The following RTL4 variants were observed in gnomAD, a reference collection of about 807,000 sequenced individuals.
The protein encoded by RTL4 is retrotransposon Gag-like protein 4.
In RTL4, 4 loss-of-function variants were observed where a neutral mutation model predicts 5.3. That is an observed-to-expected ratio of 0.75 (90% CI 0.37 to 1.72). RTL4 has a LOEUF of 1.72. RTL4 is among the 40% of genes most tolerant of loss of function. RTL4 has a pLI of 0.04. For missense variants in RTL4, 260 were observed against 227.1 expected, an observed-to-expected ratio of 1.14 and a Z score of -0.93; for synonymous variants, 98 against 87.3, an observed-to-expected ratio of 1.12 and a Z score of -0.68.
chrX:112,173,427 G>C, the RTL4 span, among the ~76,000 whole-genome samples: 19 of 111,311 alleles, frequency 1.7e-4, no homozygotes, highest in East Asian at 3.4e-3. Context: ...CTTACTGGCT[G>C]TGTGGCCTTG....
the RTL4 span, among the ~76,000 whole-genome samples, chrX:112,140,241 A>G: frequency 3.5e-4 from 39 of 111,388 alleles, no homozygotes; most frequent in Non-Finnish European, 5.8e-4. Context: ...AGGATCACCT[A>G]GTGATTTCCC....
chrX:112,249,049 G>C, the RTL4 span, among the ~76,000 whole-genome samples: 1 of 112,321 alleles, frequency 8.9e-6, no homozygotes, highest in East Asian at 2.8e-4. Flanking sequence ...GCTTCAACCA[G>C]AGCCCAACAT....
the RTL4 span, among the ~76,000 whole-genome samples, chrX:112,187,921 T>C: frequency 2.7e-5 from 3 of 111,603 alleles, no homozygotes; most frequent in Non-Finnish European, 3.8e-5. Flanking sequence ...TGATAAGTCA[T>C]TTGTTATCTT....
At chrX:112,354,964 T>C in the RTL4 span, among the ~76,000 whole-genome samples, 1 of 111,400 alleles carries the variant, frequency 9.0e-6, no homozygotes, top group Admixed American at 9.6e-5. Flanking sequence ...ATCAACACTT[T>C]CTATGTTCTT....
At chrX:112,280,865 T>C in the RTL4 span, among the ~76,000 whole-genome samples, 1 of 111,193 alleles carries the variant, frequency 9.0e-6, no homozygotes, top group African/African-American at 3.3e-5. Context: ...TTTATTTATT[T>C]ATTTTTCAGT....
the RTL4 span, among the ~76,000 whole-genome samples, chrX:112,163,820 A>G: frequency 2.4e-4 from 27 of 111,770 alleles, no homozygotes; most frequent in Non-Finnish European, 4.5e-4. Context: ...TTGTCACTAA[A>G]TGGTAGTTCC....
the RTL4 span, among the ~76,000 whole-genome samples, chrX:112,118,643 G>A: frequency 8.9e-6 from 1 of 111,901 alleles, no homozygotes; most frequent in African/African-American, 3.2e-5. Context: ...TGGGATCATG[G>A]GGAGTCACCT....
At chrX:112,231,583 A>C in the RTL4 span, among the ~76,000 whole-genome samples, 1 of 45,070 alleles carries the variant, frequency 2.2e-5, no homozygotes, top group African/African-American at 9.6e-5. Context: ...GGGTGGGGGG[A>C]GGGGGGAGGG....
the RTL4 span, among the ~76,000 whole-genome samples, chrX:112,401,584 A>G: frequency 2.8e-5 from 3 of 108,189 alleles, no homozygotes; most frequent in South Asian, 1.2e-3. Context: ...AATGTAACCT[A>G]TATAGTGAAT....
chrX:112,232,394 T>C, the RTL4 span, among the ~76,000 whole-genome samples: 3 of 112,423 alleles, frequency 2.7e-5, no homozygotes, highest in African/African-American at 9.7e-5. Context: ...AAGAAAACAA[T>C]ATATATCAAA....
the RTL4 span, among the ~76,000 whole-genome samples, chrX:112,424,749 GT>G: frequency 1.1e-4 from 12 of 110,896 alleles, no homozygotes; most frequent in African/African-American, 2.9e-4. Context: ...ACTGAAGTTG[GT>G]TTTTTTACAT....
the RTL4 span, among the ~76,000 whole-genome samples, chrX:112,350,759 T>G: frequency 5.4e-5 from 6 of 111,559 alleles, no homozygotes; most frequent in Admixed American, 1.9e-4. Flanking sequence ...TTCTCTCTTT[T>G]CTTCTTTATT....
chrX:112,337,654 T>C, the RTL4 span, among the ~76,000 whole-genome samples: 8 of 112,036 alleles, frequency 7.1e-5, no homozygotes, highest in African/African-American at 2.6e-4. Context: ...TCTTATTTCT[T>C]ATTCAAGTTT....
the RTL4 span, among the ~76,000 whole-genome samples, chrX:112,173,102 G>A: frequency 9.1e-6 from 1 of 109,604 alleles, no homozygotes; most frequent in Admixed American, 9.8e-5. Flanking sequence ...AACCATCAAG[G>A]CACACGTTTA....
At chrX:112,247,370 T>TAG in the RTL4 span, among the ~76,000 whole-genome samples, 1 of 112,082 alleles carries the variant, frequency 8.9e-6, no homozygotes, top group South Asian at 3.8e-4. Context: ...TTGCCTATTT[T>TAG]AGACATTACC....
the RTL4 span, among the ~76,000 whole-genome samples, chrX:112,370,756 C>T: frequency 1.8e-5 from 2 of 111,183 alleles, no homozygotes; most frequent in Middle Eastern, 4.2e-3. Context: ...TACTTATCAT[C>T]ACTGAGAAGC....
At chrX:112,196,907 A>C in the RTL4 span, among the ~76,000 whole-genome samples, 11 of 110,292 alleles carry the variant, frequency 1.0e-4, no homozygotes, top group Non-Finnish European at 2.1e-4. Flanking sequence ...TCACATCCTC[A>C]CCAACACTAG....
At chrX:112,416,227 C>T in the RTL4 span, among the ~76,000 whole-genome samples, 1 of 111,510 alleles carries the variant, frequency 9.0e-6, no homozygotes, top group African/African-American at 3.3e-5. Context: ...AAGGACCCAC[C>T]CTACTCCAGT....
chrX:112,144,286 T>C, the RTL4 span, among the ~76,000 whole-genome samples: 5 of 110,824 alleles, frequency 4.5e-5, no homozygotes, highest in Admixed American at 1.9e-4. Flanking sequence ...ATAGTCAGAG[T>C]GGGTATATTT....
Sources: gnomAD v4.1 joint callset for allele counts (sites outside exome capture counted in the v4.1 genomes callset) on GRCh38, gnomAD v4.1.1 for gene constraint, MANE v1.5 for transcripts, NCBI Gene and HGNC (gene_info 2026-07-23, HGNC 2026-07-21) for gene names.